Variants in EIF3L observed in about 807,000 individuals in gnomAD.
The protein encoded by EIF3L is eukaryotic translation initiation factor 3 subunit L, also known as eIEF associated protein HSPC021.
In EIF3L, 32 loss-of-function variants were observed where a neutral mutation model predicts 74.6. That is an observed-to-expected ratio of 0.43 (90% CI 0.32 to 0.58). The LOEUF (loss-of-function observed/expected upper bound fraction) is 0.58, where lower values mean the gene tolerates loss of function less well. Among genes scored for constraint, EIF3L ranks in the 20% least tolerant of loss-of-function variants. The pLI, the probability that EIF3L is intolerant of heterozygous loss-of-function variation, is 0.06. For synonymous variants in EIF3L, 256 were observed against 254.4 expected (o/e 1.01, Z -0.06); for missense variants, 474 against 707.8 (o/e 0.67, Z 3.75).
chr22:37,882,373 T>C (rs1458728819), intron 11 of EIF3L: 1 of 152,116 alleles, frequency 6.6e-6, no homozygotes, highest in Non-Finnish European at 1.5e-5. Flanking sequence ...TGAGCAGTTC[T>C]TAAAAATACA....
intron 11 of EIF3L, chr22:37,886,108 G>A (rs1330688590): frequency 6.8e-6 from 1 of 148,146 alleles, no homozygotes; most frequent in Non-Finnish European, 1.5e-5. Flanking sequence ...GCAGGAGAAT[G>A]GTGTGAACTC....
chr22:37,864,571 C>T (rs1926042404), intron 7 of EIF3L, among the ~76,000 whole-genome samples: 1 of 146,454 alleles, frequency 6.8e-6, no homozygotes, highest in African/African-American at 2.6e-5. Flanking sequence ...TGGAGTCTGA[C>T]TCTGTTACCC....
chr22:37,866,912 C>A (rs1926181551), intron 7 of EIF3L, among the ~76,000 whole-genome samples: 1 of 152,120 alleles, frequency 6.6e-6, no homozygotes, highest in Non-Finnish European at 1.5e-5. Flanking sequence ...TGTACAGTGC[C>A]ACAATCAAGA....
chr22:37,851,825 C>A (rs1038337523), intron 3 of EIF3L, among the ~76,000 whole-genome samples: 1 of 152,076 alleles, frequency 6.6e-6, no homozygotes, highest in Admixed American at 6.6e-5. Context: ...GCCACCATGC[C>A]TAGTTAATTT....
chr22:37,875,353 G>A (rs1446780741), intron 9 of EIF3L, among the ~76,000 whole-genome samples: 1 of 151,764 alleles, frequency 6.6e-6, no homozygotes, highest in Admixed American at 6.6e-5. Flanking sequence ...ACTCCAGCCT[G>A]GGCAACAGAA....
intron 5 of EIF3L, among the ~76,000 whole-genome samples, chr22:37,860,406 A>G (rs1601760246): frequency 6.6e-6 from 1 of 152,132 alleles, no homozygotes; most frequent in Non-Finnish European, 1.5e-5. Context: ...CCAGGCTGGA[A>G]TGCAGTGGCG....
intron 8 of EIF3L, 35 bp from the exon 9 acceptor site, chr22:37,874,335 C>T (rs1926631937): frequency 3.8e-6 from 6 of 1,599,806 alleles, no homozygotes; most frequent in Non-Finnish European, 5.1e-6. Context: ...CTTTACCTGC[C>T]TCCTATCAGT....
intron 11 of EIF3L, chr22:37,880,707 T>C (rs1927005770): frequency 6.6e-6 from 1 of 152,190 alleles, no homozygotes; most frequent in Non-Finnish European, 1.5e-5. Context: ...TTGCCCAGGC[T>C]AGTTTCAAGT....
intron 7 of EIF3L, among the ~76,000 whole-genome samples, chr22:37,864,631 C>T (rs754876639): frequency 1.4e-4 from 21 of 151,690 alleles, no homozygotes; most frequent in Non-Finnish European, 2.5e-4. Context: ...CTCTGCCTCC[C>T]GGGTTCAAGC....
chr22:37,865,532 A>G (rs1461577239), intron 7 of EIF3L, among the ~76,000 whole-genome samples: 1 of 152,098 alleles, frequency 6.6e-6, no homozygotes, highest in Non-Finnish European at 1.5e-5. Context: ...TGTGCTGTCT[A>G]TAGCTCTAAC....
intron 7 of EIF3L, among the ~76,000 whole-genome samples, chr22:37,869,691 G>T (rs1437583114): frequency 6.6e-6 from 1 of 152,100 alleles, no homozygotes; most frequent in Non-Finnish European, 1.5e-5. Flanking sequence ...TGGTAGAGAG[G>T]TGACATAGTC....
rs1382788137 is a variant in EIF3L at position 37,875,823 on chromosome 22, T to A, written c.907-18T>A. On this transcript the variant is annotated intron_variant, in intron 9 of 12. Coordinates refer to ENST00000652021, the MANE Select transcript of EIF3L (RefSeq NM_016091.4). ...ATGAATTGGGACTCATGAATGTTTG[T>A]TCTACCTCCTTCTACAGAGTATGTA... 1 of 1,607,048 alleles carries A rather than the reference T, an allele frequency of 6.2e-7. No individual in the cohort carries two copies. The highest frequency in any genetic ancestry group is 8.5e-7 in the Non-Finnish European group (1 of 1,174,864).
intron 5 of EIF3L, among the ~76,000 whole-genome samples, chr22:37,860,416 G>A (rs1367384455): frequency 6.6e-6 from 1 of 152,104 alleles, no homozygotes; most frequent in Non-Finnish European, 1.5e-5. Context: ...ATGCAGTGGC[G>A]CCGTCTCGGC....
intron 9 of EIF3L, 40 bp from the exon 10 acceptor site, chr22:37,875,801 A>C: frequency 6.3e-7 from 1 of 1,588,176 alleles, no homozygotes; most frequent in Non-Finnish European, 8.6e-7. Context: ...ATCTAGGATG[A>C]ATTGGGACTC....
In EIF3L at chr22:37,851,355, A is replaced by C; in HGVS notation, c.158A>C (p.Lys53Thr). The C allele has an allele frequency of 6.2e-7, 1 of 1,614,206 alleles. No homozygotes were observed. Among genetic ancestry groups the C allele is most frequent in the Admixed American group, 1.7e-5 (1 of 60,016 alleles). The change falls in exon 3 of 13, where the codon AAA becomes ACA. Residue 53 changes from lysine to threonine, a missense_variant. Lys to Thr is a moderately conservative substitution (Grantham distance 78). Coordinates refer to ENST00000652021, the MANE Select transcript of EIF3L (RefSeq NM_016091.4). Reference protein sequence around the residue: ...QTYQVIPEVIKNFIQYFHKTV... With the variant: ...QTYQVIPEVITNFIQYFHKTV... ...TATCAGGTGATCCCTGAGGTGATCA[A>C]AAACTTCATCCAGTATTTCCACAAA...
At chr22:37,877,608 T>C (rs1926819630) in intron 10 of EIF3L, 66 bp from the exon 11 acceptor site, 2 of 1,523,388 alleles carry the variant, frequency 1.3e-6, no homozygotes, top group South Asian at 2.6e-5. Context: ...GTGAGGCCAG[T>C]TGGCAGTGGG....
rs537871586 is a variant in EIF3L, at chr22:37,864,788, C to T, written c.579+1443C>T. The stretch of plus-strand genomic sequence containing the variant: ...TCCCAACTTCAGGTGATCCGCCCTC[C>T]TTGGCCTCCCAAAGTGCTGGGATTA... On this transcript the variant is annotated intron_variant, in intron 7 of 12. Transcript: ENST00000652021. Among the ~76,000 whole-genome samples, 3 of 152,266 alleles carry T rather than the reference C, an allele frequency of 2.0e-5. No individual in the cohort carries two copies. The South Asian group carries it at 6.2e-4, about 32-fold the overall frequency.
intron 4 of EIF3L, among the ~76,000 whole-genome samples, chr22:37,856,567 G>A (rs560023864): frequency 3.9e-5 from 6 of 152,048 alleles, no homozygotes; most frequent in South Asian, 2.1e-4. Flanking sequence ...ATTGTAGGCC[G>A]GGCGCAGTGG....
In EIF3L at chr22:37,859,956, G is replaced by A. The variant is rs1294479877; in HGVS notation, c.435+1216G>A. Among the ~76,000 whole-genome samples, 3 of 152,124 alleles carry A rather than the reference G, an allele frequency of 2.0e-5. No homozygotes were observed. In the East Asian group the frequency reaches 5.8e-4, roughly 30 times the overall value. ...GAACCCGGGAAGCGGAGGTTGCAGT[G>A]AGCCGAGATCGTACCACTGCACTCC... On this transcript the variant is annotated intron_variant, in intron 5 of 12. Transcript: ENST00000652021.
Sources: allele counts gnomAD v4.1 joint callset (sites outside exome capture counted in the v4.1 genomes callset), GRCh38; gene constraint gnomAD v4.1.1; transcripts MANE v1.5; gene names NCBI Gene and HGNC (gene_info 2026-07-23, HGNC 2026-07-21).